Variants in VPS13B observed in about 807,000 individuals in gnomAD.
VPS13B encodes vacuolar protein sorting 13 homolog B.
VPS13B carries 285 observed loss-of-function variants against 426.4 expected under a neutral mutation model. That is an observed-to-expected ratio of 0.67 (90% CI 0.61 to 0.74). VPS13B has a LOEUF of 0.74. Ranked by LOEUF, VPS13B falls within the 30% of genes least tolerant of loss-of-function variation. VPS13B has a pLI of 0.00. For missense variants in VPS13B, 4,537 were observed against 4,782.6 expected (o/e 0.95, Z 1.51); for synonymous variants, 1,676 against 1,676.4 (o/e 1.00, Z 0.01).
intron 26 of VPS13B, 35 bp downstream of exon 26, chr8:99,501,893 T>G: frequency 6.3e-7 from 1 of 1,582,252 alleles, no homozygotes; most frequent in South Asian, 1.1e-5. Flanking sequence ...CCTCCCTCCC[T>G]CTGTCCCTCC....
At chr8:99,049,638 A>G (rs1843422529) in intron 3 of VPS13B, among the ~76,000 whole-genome samples, 1 of 151,776 alleles carries the variant, frequency 6.6e-6, no homozygotes, top group Admixed American at 6.6e-5. Flanking sequence ...ACCTGATGAC[A>G]GTGTGCCTAG....
At chr8:99,074,332 T>G (rs1318881652) in intron 3 of VPS13B, among the ~76,000 whole-genome samples, 1 of 152,116 alleles carries the variant, frequency 6.6e-6, no homozygotes, top group Non-Finnish European at 1.5e-5. Context: ...TTTGTCTTGA[T>G]TCTGTTAATG....
At position 99,121,220 on chromosome 8, in the gene VPS13B, G is replaced by A; in HGVS notation, c.981G>A (p.Gln327=). Residue 327 remains glutamine, a synonymous_variant, in exon 8 of 62, where the codon CAG becomes CAA. Transcript: ENST00000357162. ...GAATAGATATGCAATATCCTGCTCA[G>A]CATAAAGGTCAAGAGTTATATTCAC... The part of the protein sequence containing the change: ...ETRIDMQYPA[Q]HKGQELYSQQ... 8 of 1,614,018 alleles carry A rather than the reference G, an allele frequency of 5.0e-6. No homozygotes were observed. The highest frequency in any genetic ancestry group is 4.0e-5 in the African/African-American group (3 of 75,028).
chr8:99,210,911 T>C (rs1370686893), intron 17 of VPS13B, among the ~76,000 whole-genome samples: 1 of 152,174 alleles, frequency 6.6e-6, no homozygotes, highest in Non-Finnish European at 1.5e-5. Context: ...CTTAAAAATA[T>C]TTAATGTTTA....
At chr8:99,283,513 A>G (rs1819272291) in intron 19 of VPS13B, among the ~76,000 whole-genome samples, 1 of 152,140 alleles carries the variant, frequency 6.6e-6, no homozygotes, top group African/African-American at 2.4e-5. Context: ...AGCTGAACAG[A>G]GCGTCTATTT....
chr8:99,411,562 T>C (rs1438141917), intron 21 of VPS13B, among the ~76,000 whole-genome samples: 2 of 152,204 alleles, frequency 1.3e-5, no homozygotes, highest in African/African-American at 4.8e-5. Context: ...AGCTCTTTAG[T>C]TTATTTAGAT....
At chr8:99,848,261 G>A (rs549726172) in intron 54 of VPS13B, among the ~76,000 whole-genome samples, 37 of 152,190 alleles carry the variant, frequency 2.4e-4, no homozygotes, top group East Asian at 3.9e-4. Flanking sequence ...TTCTTGTTAC[G>A]AGTTACATGA....
At chr8:99,726,275 G>A (rs1833347390) in intron 39 of VPS13B, among the ~76,000 whole-genome samples, 1 of 152,176 alleles carries the variant, frequency 6.6e-6, no homozygotes, top group African/African-American at 2.4e-5. Context: ...TTAAATGTTA[G>A]TAGTATATTT....
At chr8:99,251,469 T>A (rs989338541) in intron 17 of VPS13B, among the ~76,000 whole-genome samples, 5 of 152,322 alleles carry the variant, frequency 3.3e-5, no homozygotes, top group African/African-American at 1.2e-4. Flanking sequence ...ATTGCATTGA[T>A]GTTTTTCAGC....
chr8:99,076,465 C>A (rs1845127155), intron 3 of VPS13B, among the ~76,000 whole-genome samples: 1 of 151,960 alleles, frequency 6.6e-6, no homozygotes, highest in African/African-American at 2.4e-5. Flanking sequence ...TTCAAATGCC[C>A]CACTATTATT....
intron 15 of VPS13B, among the ~76,000 whole-genome samples, chr8:99,160,796 C>T (rs1010281084): frequency 9.2e-5 from 14 of 152,026 alleles, no homozygotes; most frequent in African/African-American, 2.7e-4. Flanking sequence ...ATATCTGTAA[C>T]GCAAAAATAA....
intron 15 of VPS13B, among the ~76,000 whole-genome samples, chr8:99,169,216 A>G (rs559120157): frequency 6.6e-6 from 1 of 152,158 alleles, no homozygotes; most frequent in South Asian, 2.1e-4. Context: ...TTTACTGGAA[A>G]ACAGTAACTC....
intron 19 of VPS13B, among the ~76,000 whole-genome samples, chr8:99,276,987 C>A (rs1232310726): frequency 6.6e-6 from 1 of 152,022 alleles, no homozygotes; most frequent in Admixed American, 6.6e-5. Flanking sequence ...TGTTCTTCAA[C>A]AATATATTAC....
rs1235056205 is a variant in VPS13B at position 99,191,224 on chromosome 8, T to C, written c.2334-1652T>C. On this transcript the variant is annotated intron_variant, in intron 16 of 61. Transcript: ENST00000357162. ...TCCTTAACACTAGTTTTCAGCAATT[T>C]GATTATAATATGCCTTGGTATGTTT... 2.0e-5 allele frequency among the ~76,000 whole-genome samples: 3 copies of C among 151,922 alleles called. No homozygotes were observed. In the East Asian group the frequency reaches 5.8e-4, roughly 29 times the overall value.
In VPS13B at chr8:99,835,183, T is replaced by TAATC; in HGVS notation, c.9615-14_9615-13insAATC. ...TCCTAAACATTTCTGTCATTTGACTTGATTCTCTTCCAGGGCTATAGTGCT... is the reference window on the plus strand; with the variant it reads ...TCCTAAACATTTCTGTCATTTGACTTAATCGATTCTCTTCCAGGGCTATAGTGCT... On this transcript the variant is annotated splice_polypyrimidine_tract_variant and intron_variant, in intron 52 of 61. Transcript: ENST00000357162. The TAATC allele has an allele frequency of 6.2e-7, 1 of 1,613,904 alleles. No individual in the cohort carries two copies. Among genetic ancestry groups the TAATC allele is most frequent in the East Asian group, 2.2e-5 (1 of 44,818 alleles).
In VPS13B at chr8:99,143,113, G is replaced by C. The variant is rs1297605820; in HGVS notation, c.1791G>C (p.Met597Ile). 1 of 1,614,020 alleles carries C rather than the reference G, an allele frequency of 6.2e-7. No homozygotes were observed. The highest frequency in any genetic ancestry group is 1.3e-5 in the African/African-American group (1 of 75,038). ...DSSAVHRILK[M>I]IVCALEHEYE... ...GTGCGGTGCATAGGATTTTGAAAAT[G>C]ATTGTGTGTGCCTTGGAACATGAAT... The change falls in exon 13 of 62, where the codon ATG (methionine) becomes ATC (isoleucine). Residue 597 changes from methionine (M) to isoleucine (I), a missense_variant. Transcript: ENST00000357162.
At chr8:99,032,615 C>T (rs1401672050) in intron 2 of VPS13B, among the ~76,000 whole-genome samples, 3 of 150,570 alleles carry the variant, frequency 2.0e-5, no homozygotes, top group South Asian at 2.1e-4. Flanking sequence ...CTGTAAGCTC[C>T]GCCTCCCGGG....
chr8:99,431,451 A>T lies in VPS13B; in HGVS notation c.3083-86A>T, dbSNP rs3103703. The T allele has an allele frequency of 0.17, 259,678 of 1,503,570 alleles. 25,916 individuals are homozygous for T. Among genetic ancestry groups the T allele is most frequent in the Admixed American group, 0.4 (23,080 of 57,744 alleles). 93.1% of individuals were successfully genotyped at this position (1,503,570 alleles called of 1,614,324 possible). A position where few individuals can be genotyped will look rare whatever the true frequency, so the allele number is the denominator to read the frequency against. On this transcript the variant is annotated intron_variant, in intron 21 of 61. Coordinates refer to ENST00000357162, the MANE Select transcript of VPS13B (RefSeq NM_152564.5). ...AAAAATTATAATTTTAAGCAAGGAA[A>T]GAAACAATCTTGAAAATACGTTTGG... is the stretch of plus-strand genomic sequence containing the variant.
chr8:99,570,575 T>G (rs902563676), intron 31 of VPS13B, among the ~76,000 whole-genome samples: 25 of 151,932 alleles, frequency 1.6e-4, no homozygotes, highest in African/African-American at 5.8e-4. Context: ...TTTTCTTATG[T>G]TTTTTTAATT....
Sources: allele counts gnomAD v4.1 joint callset (sites outside exome capture counted in the v4.1 genomes callset), GRCh38; gene constraint gnomAD v4.1.1; transcripts MANE v1.5; gene names NCBI Gene and HGNC (gene_info 2026-07-23, HGNC 2026-07-21).